COL16A1: variants seen among roughly 807,000 people sequenced by gnomAD.
The protein encoded by COL16A1 is collagen alpha-1(XVI) chain.
A neutral mutation model predicts 266.3 loss-of-function variants in COL16A1; 189 were observed. The ratio of observed to expected loss-of-function variants is 0.71; its 90% confidence interval spans 0.63 to 0.80. The LOEUF is 0.80. COL16A1 is among the 30% of genes least tolerant of loss of function. COL16A1 has a pLI of 0.00. For missense variants in COL16A1, 1,928 were observed against 2,122.4 expected, an observed-to-expected ratio of 0.91 and a Z score of 1.80; for synonymous variants, 740 against 782.3, an observed-to-expected ratio of 0.95 and a Z score of 0.90.
chr1:31,653,764 C>G (rs1640846562), intron 69 of COL16A1, 88 bp from the exon 70 acceptor site: 3 of 1,574,424 alleles, frequency 1.9e-6, no homozygotes. Flanking sequence ...CACACACACA[C>G]ACACACACAC....
chr1:31,690,618 C>T, intron 20 of COL16A1, 45 bp from the exon 21 acceptor site: 1 of 1,605,918 alleles, frequency 6.2e-7, no homozygotes, highest in Non-Finnish European at 8.5e-7. Flanking sequence ...CTGGCCAATG[C>T]AATCTCGGTG....
intron 37 of COL16A1, among the ~76,000 whole-genome samples, 156 bp downstream of exon 37, chr1:31,682,778 A>C (rs546458761): frequency 1.3e-5 from 2 of 152,324 alleles, no homozygotes; most frequent in South Asian, 4.1e-4. Flanking sequence ...TTCCCCTAAA[A>C]GAGTGAGGTT....
At chr1:31,676,398 C>G (rs551357154) in intron 42 of COL16A1, among the ~76,000 whole-genome samples, 24 of 151,950 alleles carry the variant, frequency 1.6e-4, no homozygotes, top group Non-Finnish European at 3.1e-4. Flanking sequence ...AGGCACAGAG[C>G]TGAGGTCCAG....
At position 31,679,682 on chromosome 1, in the gene COL16A1, G is replaced by A. The variant is rs1643460620; in HGVS notation, c.2722C>T (p.Pro908Ser). The A allele has an allele frequency of 1.2e-6, 2 of 1,614,084 alleles. No homozygotes were observed. Among genetic ancestry groups the A allele is most frequent in the Non-Finnish European group, 1.7e-6 (2 of 1,180,006 alleles). ...GSSWQPGPQG[P>S]PGIPGPPGPP... ...CCTGGTGGTCCGGGAATACCTGGTG[G>A]ACCCTGAGGGAGAGAGAAAAGAGTC... The change falls in exon 42 of 71, where the codon CCA (proline) becomes TCA (serine). Residue 908 changes from proline (P) to serine (S), a missense_variant. By Grantham distance (74) the Pro-to-Ser change is moderately conservative (BLOSUM62 -1). Coordinates refer to ENST00000373672, the MANE Select transcript of COL16A1 (RefSeq NM_001856.4).
Position 31,700,135 on chromosome 1 carries a change from G to C in COL16A1, c.74-20C>G. 6.2e-7 allele frequency: 1 copy of C among 1,613,570 alleles called. No individual in the cohort carries two copies. The highest frequency in any genetic ancestry group is 8.5e-7 in the Non-Finnish European group (1 of 1,179,492). ...GTGCACCTAGAAGAGAAGGGGCAGG[G>C]GGGCATTAGGTGCGCTCAGGCCAAG... On this transcript the variant is annotated intron_variant, in intron 2 of 70. Transcript: ENST00000373672.
rs1422202471 is a variant in COL16A1, at chr1:31,688,367, A to C, written c.1803+100T>G. The C allele has an allele frequency of 6.9e-6, 9 of 1,303,500 alleles. No homozygotes were observed. Among genetic ancestry groups the C allele is most frequent in the Non-Finnish European group, 2.2e-6 (2 of 904,200 alleles). The allele number at this position is 1,303,500 out of a possible 1,614,324, so 80.7% of individuals were successfully genotyped here. ...ATTTCACTGTGAATTTACCGTCTGA[A>C]TCTCTTGTTTATATTACCCTTATTC... On this transcript the variant is annotated intron_variant, in intron 26 of 70. Coordinates refer to ENST00000373672, the MANE Select transcript of COL16A1 (RefSeq NM_001856.4). The surrounding 1 kb of genome is among the most constrained non-coding windows in gnomAD (Gnocchi z 4.9).
At position 31,662,606 on chromosome 1, in the gene COL16A1, G is replaced by C. The variant is rs780343404; in HGVS notation, c.3608C>G (p.Pro1203Arg). ...ACTCACCTGAATCCCAGGAGGTCCCGGTGGCCCAGGGGAGCCAGGCAGGCC... is the reference window on the plus strand; with the variant it reads ...ACTCACCTGAATCCCAGGAGGTCCCCGTGGCCCAGGGGAGCCAGGCAGGCC... The part of the protein sequence containing the change: ...PSGLPGSPGP[P>R]GPPGIQGPAG... Residue 1203 changes from proline to arginine, a missense_variant, in exon 57 of 71, where the codon CCG (proline) becomes CGG (arginine). Physicochemically the swap from Pro to Arg is moderately radical, Grantham distance 103. This residue lies in a region of COL16A1 where 1,552 missense variants were observed against 1,637.2 expected (regional missense o/e 0.95). Transcript: ENST00000373672. 3 of 1,566,760 alleles carry C rather than the reference G, an allele frequency of 1.9e-6. No individual in the cohort carries two copies. In the South Asian group the frequency reaches 3.5e-5, roughly 18 times the overall value.
In COL16A1 at chr1:31,657,400, A is replaced by C. The variant is rs1364118810; in HGVS notation, c.4021-332T>G. 1 of 327,000 alleles carries C rather than the reference A, an allele frequency of 3.1e-6. No homozygotes were observed. Among genetic ancestry groups the C allele is most frequent in the Non-Finnish European group, 5.7e-6 (1 of 176,002 alleles). 20.3% of individuals were successfully genotyped at this position (327,000 alleles called of 1,614,324 possible). On this transcript the variant is annotated intron_variant, in intron 64 of 70. Coordinates refer to ENST00000373672, the MANE Select transcript of COL16A1 (RefSeq NM_001856.4). This position sits in a 1 kb window ranked among gnomAD's most constrained non-coding sequence, Gnocchi z 6.4. Reference sequence around the variant, plus strand: ...ATCTATGTTAAACGTTTGCTGAATGAACACATGAACAGCCTGAGCCGGCCC... The same window carrying C: ...ATCTATGTTAAACGTTTGCTGAATGCACACATGAACAGCCTGAGCCGGCCC...
At position 31,654,808 on chromosome 1, in the gene COL16A1, G is replaced by T; in HGVS notation, c.4341C>A (p.Ile1447=). The change falls in exon 68 of 71, where the codon ATC becomes ATA. Residue 1447 remains isoleucine (I), a synonymous_variant. Transcript: ENST00000373672. ...DEIKRFIRQE[I]IKMFDERMAY... is the part of the protein sequence containing the mutation. ...GCCAGTTACCATCAAACATTTTAAT[G>T]ATCTCTTGTCTGATGAACCTCTTGA... The T allele has an allele frequency of 6.2e-7, 1 of 1,613,896 alleles. No individual in the cohort carries two copies. The highest frequency in any genetic ancestry group is 1.1e-5 in the South Asian group (1 of 91,040).
rs1255744309 is a variant in COL16A1, at chr1:31,661,014, T to C, written c.3825+52A>G. On this transcript the variant is annotated intron_variant, in intron 61 of 70. Coordinates refer to ENST00000373672, the MANE Select transcript of COL16A1 (RefSeq NM_001856.4). ...GAAGAAGCGGCTGCATCCCAGACTC[T>C]GCAGAGTCTGAAGGCAAACTGAAGG... The C allele has an allele frequency of 3.3e-6, 5 of 1,532,160 alleles. No homozygotes were observed. In the African/African-American group the frequency reaches 5.5e-5, roughly 17 times the overall value. 94.9% of individuals were successfully genotyped at this position (1,532,160 alleles called of 1,614,324 possible).
chr1:31,654,967 G>GTTT, intron 67 of COL16A1, 109 bp from the exon 68 acceptor site: 2 of 384,146 alleles, frequency 5.2e-6, no homozygotes, highest in Non-Finnish European at 8.4e-6. Context: ...GCCTCCCACA[G>GTTT]ATTCTTTTTT....
intron 70 of COL16A1, 162 bp downstream of exon 70, chr1:31,653,437 C>G (rs1304927756): frequency 6.0e-6 from 5 of 834,102 alleles, no homozygotes; most frequent in African/African-American, 5.2e-5. Context: ...CACATCCCCA[C>G]AGGCCCTGGC....
Position 31,679,784 on chromosome 1 carries a change from A to G in COL16A1, c.2718+20T>C. The G allele has an allele frequency of 6.3e-7, 1 of 1,578,158 alleles. No individual in the cohort carries two copies. Among genetic ancestry groups the G allele is most frequent in the Non-Finnish European group, 8.6e-7 (1 of 1,162,210 alleles). On this transcript the variant is annotated intron_variant, in intron 41 of 70. Coordinates refer to ENST00000373672, the MANE Select transcript of COL16A1 (RefSeq NM_001856.4). ...ACAAGCCGCGGGGCGCTGGCGGACA[A>G]GAGGAGACAAGCGACACACCTGCGG...
chr1:31,657,010 A>C lies in COL16A1; in HGVS notation c.4056+23T>G, dbSNP rs199965875. 17 of 1,614,026 alleles carry C rather than the reference A, an allele frequency of 1.1e-5. No individual in the cohort carries two copies. The African/African-American group carries it at 1.9e-4, about 18-fold the overall frequency. On this transcript the variant is annotated intron_variant, in intron 65 of 70. Transcript: ENST00000373672. This position sits in a 1 kb window ranked among gnomAD's most constrained non-coding sequence, Gnocchi z 6.4. Reference sequence around the variant, plus strand: ...GAGCAAGAAGCACCCCCAAGGAAACAGAGAAGACCAGTACAACTGTACCTC... The same window carrying C: ...GAGCAAGAAGCACCCCCAAGGAAACCGAGAAGACCAGTACAACTGTACCTC...
intron 1 of COL16A1, among the ~76,000 whole-genome samples, chr1:31,703,140 T>C (rs1411893878): frequency 6.6e-6 from 1 of 152,104 alleles, no homozygotes; most frequent in Non-Finnish European, 1.5e-5. Context: ...CACGGAAACA[T>C]ATGCTCGCTG....
Position 31,652,479 on chromosome 1 carries a change from C to G in COL16A1, c.*172G>C. 1.3e-6 allele frequency: 1 copy of G among 751,280 alleles called. No individual in the cohort carries two copies. Among genetic ancestry groups the G allele is most frequent in the South Asian group, 3.6e-5 (1 of 28,138 alleles). The allele number at this position is 751,280 out of a possible 1,614,324, so 46.5% of individuals were successfully genotyped here. ...CTCTGGCTGCAGCACCAGAGGAACC[C>G]ACTGGAAGGGAAAGGGCAGATAGTT... is the stretch of plus-strand genomic sequence containing the variant. On this transcript the variant is annotated 3_prime_UTR_variant, in exon 71 of 71. Transcript: ENST00000373672. This position sits in a 1 kb window ranked among gnomAD's most constrained non-coding sequence, Gnocchi z 4.8.
intron 31 of COL16A1, 49 bp downstream of exon 31, chr1:31,684,474 T>G (rs1643874477): frequency 6.3e-7 from 1 of 1,586,332 alleles, no homozygotes; most frequent in Admixed American, 1.8e-5. Flanking sequence ...GACACCTGAT[T>G]TTTTTTATGC....
chr1:31,675,364 G>A, intron 42 of COL16A1, 53 bp from the exon 43 acceptor site: 1 of 1,595,494 alleles, frequency 6.3e-7, no homozygotes, highest in Non-Finnish European at 8.5e-7. Flanking sequence ...TAGCCTGCTG[G>A]TCAGCCTGTT....
intron 42 of COL16A1, among the ~76,000 whole-genome samples, chr1:31,678,979 C>A (rs539830762): frequency 6.6e-6 from 1 of 152,316 alleles, no homozygotes; most frequent in Admixed American, 6.5e-5. Context: ...GCCTTTGCAC[C>A]GGCTGTTTTC....
Sources: allele counts gnomAD v4.1 joint callset (sites outside exome capture counted in the v4.1 genomes callset), GRCh38; gene constraint gnomAD v4.1.1; regional missense constraint gnomAD v4.1.1; non-coding constraint Gnocchi (gnomAD v3.1); transcripts MANE v1.5; gene names NCBI Gene and HGNC (gene_info 2026-07-23, HGNC 2026-07-21).